Variants in VAV3 observed in about 807,000 individuals in gnomAD.
The protein encoded by VAV3 is vav guanine nucleotide exchange factor 3.
A neutral mutation model predicts 131.2 loss-of-function variants in VAV3; 94 were observed. That is an observed-to-expected ratio of 0.72 (90% CI 0.61 to 0.85). VAV3 has a LOEUF of 0.85. Ranked by LOEUF, VAV3 falls within the 40% of genes least tolerant of loss-of-function variation. The pLI, the probability that VAV3 is intolerant of heterozygous loss-of-function variation, is 0.00. For synonymous variants in VAV3, 349 were observed against 342.0 expected (o/e 1.02, Z -0.22); for missense variants, 939 against 1,002.7 (o/e 0.94, Z 0.86).
intron 1 of VAV3, among the ~76,000 whole-genome samples, chr1:107,927,219 C>T (rs1336978107): frequency 6.6e-6 from 1 of 152,082 alleles, no homozygotes; most frequent in Non-Finnish European, 1.5e-5. Flanking sequence ...TGCCATGAAG[C>T]GATGGACTCA....
chr1:107,669,436 G>A, intron 19 of VAV3: 1 of 1,289,570 alleles, frequency 7.8e-7, no homozygotes, highest in Non-Finnish European at 1.0e-6. Context: ...AGTAGCAGGG[G>A]CCATGGAAAT....
At chr1:107,588,315 C>T (rs1429053860) in intron 25 of VAV3, among the ~76,000 whole-genome samples, 1 of 152,076 alleles carries the variant, frequency 6.6e-6, no homozygotes, top group East Asian at 1.9e-4. Flanking sequence ...CTAACTTAGT[C>T]CATAGAATAG....
chr1:107,648,876 T>C (rs1022595588), intron 19 of VAV3, among the ~76,000 whole-genome samples: 30 of 151,982 alleles, frequency 2.0e-4, no homozygotes, highest in African/African-American at 6.0e-4. Context: ...GGCTGATGTA[T>C]GTTTCAGGAT....
intron 25 of VAV3, among the ~76,000 whole-genome samples, chr1:107,591,619 T>G (rs539506363): frequency 6.6e-6 from 1 of 152,296 alleles, no homozygotes; most frequent in South Asian, 2.1e-4. Flanking sequence ...TCTTCAGATA[T>G]AGCCAGCAAA....
intron 15 of VAV3, among the ~76,000 whole-genome samples, chr1:107,730,182 T>TAGTC (rs1007114817): frequency 6.6e-6 from 1 of 152,216 alleles, no homozygotes; most frequent in African/African-American, 2.4e-5. Flanking sequence ...AAGGAGAAGC[T>TAGTC]AGTCAATGGT....
At chr1:107,722,838 C>CTT (rs144189947) in intron 15 of VAV3, among the ~76,000 whole-genome samples, 3 of 25,272 alleles carry the variant, frequency 1.2e-4, no homozygotes, top group South Asian at 1.5e-3. Flanking sequence ...CTATTATCCT[C>CTT]TCTTTTTTTT....
intron 1 of VAV3, among the ~76,000 whole-genome samples, chr1:107,950,048 G>T (rs1192961595): frequency 1.3e-5 from 2 of 152,044 alleles, no homozygotes. Flanking sequence ...GTGCTGCTGG[G>T]AACTGAAAAA....
At chr1:107,822,661 TAAA>T (rs2102364398) in intron 2 of VAV3, among the ~76,000 whole-genome samples, 1 of 256 alleles carries the variant, frequency 3.9e-3, no homozygotes, top group South Asian at 0.083. Context: ...TCAAAAAAAA[TAAA>T]TAAATAAATA....
At chr1:107,798,246 T>C (rs1210132129) in intron 2 of VAV3, among the ~76,000 whole-genome samples, 1 of 152,162 alleles carries the variant, frequency 6.6e-6, no homozygotes, top group Non-Finnish European at 1.5e-5. Context: ...AAAGCTAGAT[T>C]GTTCAAGATG....
chr1:107,641,288 T>C (rs982425828), intron 20 of VAV3, among the ~76,000 whole-genome samples: 1 of 152,338 alleles, frequency 6.6e-6, no homozygotes, highest in African/African-American at 2.4e-5. Context: ...CTGTCCCTTC[T>C]GCATGTGCAC....
chr1:107,692,047 T>A (rs988660023), intron 17 of VAV3, among the ~76,000 whole-genome samples: 1 of 152,120 alleles, frequency 6.6e-6, no homozygotes, highest in Admixed American at 6.6e-5. Context: ...ACTAAACACA[T>A]CAATGTCCAG....
intron 2 of VAV3, among the ~76,000 whole-genome samples, chr1:107,779,882 T>A (rs1665595090): frequency 6.6e-6 from 1 of 152,192 alleles, no homozygotes; most frequent in Non-Finnish European, 1.5e-5. Flanking sequence ...TTTAAATTAA[T>A]TTAAATTTTA....
intron 19 of VAV3, among the ~76,000 whole-genome samples, chr1:107,652,115 G>C (rs1469715102): frequency 1.3e-5 from 2 of 152,134 alleles, no homozygotes; most frequent in Non-Finnish European, 2.9e-5. Context: ...TAGGAGGTCA[G>C]CACAAGATAC....
intron 1 of VAV3, among the ~76,000 whole-genome samples, chr1:107,937,920 T>C (rs1673803733): frequency 6.6e-6 from 1 of 152,180 alleles, no homozygotes; most frequent in Non-Finnish European, 1.5e-5. Flanking sequence ...ATAAGGCTCT[T>C]GTGATCAAGT....
chr1:107,671,917 A>G (rs999051862), intron 19 of VAV3, among the ~76,000 whole-genome samples: 2 of 152,244 alleles, frequency 1.3e-5, no homozygotes, highest in African/African-American at 4.8e-5. Context: ...TATGTGTATA[A>G]TAAAGCACAA....
chr1:107,818,118 G>A (rs1667638195), intron 2 of VAV3, among the ~76,000 whole-genome samples: 1 of 152,218 alleles, frequency 6.6e-6, no homozygotes, highest in African/African-American at 2.4e-5. Flanking sequence ...AGTGAGGAGA[G>A]CAGGGCAGGT....
At chr1:107,907,446 G>C (rs560732330) in intron 1 of VAV3, among the ~76,000 whole-genome samples, 1 of 152,172 alleles carries the variant, frequency 6.6e-6, no homozygotes, top group African/African-American at 2.4e-5. Flanking sequence ...ATGTATAACT[G>C]CTATCATTTA....
chr1:107,807,502 G>C (rs1323349178), intron 2 of VAV3, among the ~76,000 whole-genome samples: 1 of 152,222 alleles, frequency 6.6e-6, no homozygotes, highest in Non-Finnish European at 1.5e-5. Context: ...GCTACTCAAG[G>C]GGAACAAGCC....
At chr1:107,829,446 C>T (rs1668152986) in intron 2 of VAV3, among the ~76,000 whole-genome samples, 1 of 152,110 alleles carries the variant, frequency 6.6e-6, no homozygotes, top group South Asian at 2.1e-4. Flanking sequence ...AACATAAAAC[C>T]TAGGAGATTA....
Sources: gnomAD v4.1 joint callset for allele counts (sites outside exome capture counted in the v4.1 genomes callset) on GRCh38, gnomAD v4.1.1 for gene constraint, MANE v1.5 for transcripts, NCBI Gene and HGNC (gene_info 2026-07-23, HGNC 2026-07-21) for gene names.